Variants in CNTN4 observed in about 807,000 individuals in gnomAD.
CNTN4 encodes contactin 4.
In CNTN4, 77 loss-of-function variants were observed where a neutral mutation model predicts 122.5. The observed-to-expected ratio is 0.63, with a 90% CI of 0.52 to 0.76. The LOEUF (loss-of-function observed/expected upper bound fraction) is 0.76. Among genes scored for constraint, CNTN4 ranks in the 30% least tolerant of loss-of-function variants. The pLI, the probability that CNTN4 is intolerant of heterozygous loss-of-function variation, is 0.00. For missense variants in CNTN4, 1,256 were observed against 1,259.1 expected (o/e 1.00, Z 0.04); for synonymous variants, 512 against 447.0 (o/e 1.15, Z -1.83).
In CNTN4 at chr3:2,288,203, C is replaced by A. The variant is rs80265991; in HGVS notation, c.-144-50975C>A. On this transcript the variant is annotated intron_variant, in intron 2 of 24. Coordinates refer to ENST00000418658, the MANE Select transcript of CNTN4 (RefSeq NM_175607.3). ...GGAATGCCTGAGACTAGGTAATTTA[C>A]AAGAAAAGAAGTTTATTTGGTTTAC... 4.4e-3 allele frequency among the ~76,000 whole-genome samples: 669 copies of A among 152,224 alleles called. 9 individuals are homozygous for A. The highest frequency in any genetic ancestry group is 0.016 in the African/African-American group (644 of 41,532).
At chr3:2,605,088 C>G (rs1456584474) in intron 4 of CNTN4, among the ~76,000 whole-genome samples, 3 of 152,168 alleles carry the variant, frequency 2.0e-5, no homozygotes, top group Non-Finnish European at 4.4e-5. Context: ...TTCACGGCAG[C>G]CTCGAACTGC....
intron 2 of CNTN4, among the ~76,000 whole-genome samples, chr3:2,273,628 T>C (rs1415401594): frequency 1.3e-5 from 2 of 152,158 alleles, no homozygotes; most frequent in African/African-American, 4.8e-5. Flanking sequence ...TCCTAGAAAT[T>C]TAATTGACTG....
Position 2,194,423 on chromosome 3 carries a change from T to C in CNTN4, c.-145+93784T>C, listed in dbSNP as rs555870504. Reference sequence around the variant, plus strand: ...CTGGAGGAAACCATGATCGCGCCACTGCACTCCAGCCTGGGTGACAGAGTG... The same window carrying C: ...CTGGAGGAAACCATGATCGCGCCACCGCACTCCAGCCTGGGTGACAGAGTG... On this transcript the variant is annotated intron_variant, in intron 2 of 24. Coordinates refer to ENST00000418658, the MANE Select transcript of CNTN4 (RefSeq NM_175607.3). 5.9e-5 allele frequency among the ~76,000 whole-genome samples: 9 copies of C among 152,242 alleles called. No homozygotes were observed. The East Asian group carries it at 1.7e-3, about 29-fold the overall frequency.
chr3:2,224,993 T>C (rs1200484426), intron 2 of CNTN4, among the ~76,000 whole-genome samples: 2 of 147,306 alleles, frequency 1.4e-5, no homozygotes, highest in East Asian at 4.1e-4. Context: ...TACTAAAAAA[T>C]ACAAAAATTA....
chr3:2,480,920 C>G (rs1166246485), intron 3 of CNTN4, among the ~76,000 whole-genome samples: 1 of 152,010 alleles, frequency 6.6e-6, no homozygotes, highest in Non-Finnish European at 1.5e-5. Context: ...GAACAGAGAG[C>G]CCAGAAATAT....
chr3:2,292,244 A>G (rs1437878011), intron 2 of CNTN4, among the ~76,000 whole-genome samples: 4 of 152,186 alleles, frequency 2.6e-5, no homozygotes, highest in Admixed American at 2.0e-4. Context: ...TATATTTATA[A>G]GCTTGTCTCT....
At chr3:2,949,259 C>T (rs2094711408) in intron 13 of CNTN4, among the ~76,000 whole-genome samples, 2 of 152,070 alleles carry the variant, frequency 1.3e-5, no homozygotes, top group Non-Finnish European at 2.9e-5. Context: ...CAAGCACATT[C>T]AAAAAAGACC....
intron 2 of CNTN4, among the ~76,000 whole-genome samples, chr3:2,312,418 AT>A (rs1384542776): frequency 6.6e-6 from 1 of 152,120 alleles, no homozygotes; most frequent in African/African-American, 2.4e-5. Flanking sequence ...AATTGCATTT[AT>A]TTTTGCTGTT....
At chr3:2,124,464 ACACACACACC>A (rs2034005023) in intron 2 of CNTN4, among the ~76,000 whole-genome samples, 3 of 149,228 alleles carry the variant, frequency 2.0e-5, no homozygotes, top group South Asian at 4.4e-4. Context: ...ACACACACAC[ACACACACACC>A]CCCTTAAGCA....
intron 2 of CNTN4, among the ~76,000 whole-genome samples, chr3:2,125,894 G>GGTGTGTGTGTGTGTGTGT (rs61706367): frequency 2.0e-4 from 29 of 143,470 alleles, no homozygotes; most frequent in African/African-American, 6.5e-4. Context: ...TTTTATTTCT[G>GGTGTGTGTGTGTGTGTGT]GTGTGTGTGT....
At chr3:2,540,068 G>GTT (rs397877847) in intron 3 of CNTN4, among the ~76,000 whole-genome samples, 2 of 132,622 alleles carry the variant, frequency 1.5e-5, no homozygotes, top group African/African-American at 5.7e-5. Context: ...CTTCATCAGT[G>GTT]TTGTGTGTGT....
intron 4 of CNTN4, among the ~76,000 whole-genome samples, chr3:2,652,468 G>T (rs1382463458): frequency 6.6e-6 from 1 of 152,194 alleles, no homozygotes; most frequent in African/African-American, 2.4e-5. Context: ...AGCAGATAAT[G>T]AAAGGGGACT....
intron 3 of CNTN4, among the ~76,000 whole-genome samples, chr3:2,497,808 T>C (rs1390654628): frequency 2.0e-5 from 3 of 152,206 alleles, no homozygotes; most frequent in Non-Finnish European, 2.9e-5. Flanking sequence ...CAATTACTTA[T>C]CTGTTATCTT....
intron 3 of CNTN4, among the ~76,000 whole-genome samples, chr3:2,352,217 C>T (rs1021625002): frequency 1.5e-4 from 23 of 152,240 alleles, no homozygotes; most frequent in Admixed American, 3.3e-4. Flanking sequence ...CGTGAAACGC[C>T]GTTGAGAGGT....
chr3:2,609,412 C>T (rs2081389897), intron 4 of CNTN4, among the ~76,000 whole-genome samples: 1 of 152,198 alleles, frequency 6.6e-6, no homozygotes, highest in Admixed American at 6.5e-5. Context: ...TCCTGGACTT[C>T]CCAGCCTCCA....
intron 2 of CNTN4, among the ~76,000 whole-genome samples, chr3:2,327,923 C>T (rs2043528663): frequency 6.6e-6 from 1 of 152,116 alleles, no homozygotes; most frequent in African/African-American, 2.4e-5. Flanking sequence ...GAAAGAATTC[C>T]CCTCACCCCT....
intron 2 of CNTN4, among the ~76,000 whole-genome samples, chr3:2,278,107 A>T (rs891882710): frequency 1.3e-5 from 2 of 152,208 alleles, no homozygotes; most frequent in Non-Finnish European, 2.9e-5. Flanking sequence ...ATGTCTAAGA[A>T]ATACACAGAA....
intron 3 of CNTN4, among the ~76,000 whole-genome samples, chr3:2,367,498 GT>G (rs1387658062): frequency 1.3e-5 from 2 of 152,288 alleles, no homozygotes; most frequent in African/African-American, 4.8e-5. Context: ...ATGGAAAAAT[GT>G]CACTTGGCTT....
In CNTN4 at chr3:2,532,662, G is replaced by A. The variant is rs560404901; in HGVS notation, c.-88-38754G>A. 1.2e-3 allele frequency among the ~76,000 whole-genome samples: 185 copies of A among 152,126 alleles called. 2 individuals are homozygous for A. The highest frequency in any genetic ancestry group is 1.9e-3 in the Non-Finnish European group (130 of 67,998). On this transcript the variant is annotated intron_variant, in intron 3 of 24. Coordinates refer to ENST00000418658, the MANE Select transcript of CNTN4 (RefSeq NM_175607.3). Reference sequence around the variant, plus strand: ...AACAAATATATTCTACTCTCAAAAAGCTTAATTTACCAATTATTAGTGAAA... The same window carrying A: ...AACAAATATATTCTACTCTCAAAAAACTTAATTTACCAATTATTAGTGAAA...
Sources: gnomAD v4.1 joint callset for allele counts (sites outside exome capture counted in the v4.1 genomes callset) on GRCh38, gnomAD v4.1.1 for gene constraint, MANE v1.5 for transcripts, NCBI Gene and HGNC (gene_info 2026-07-23, HGNC 2026-07-21) for gene names.